FAAH: variants seen among roughly 807,000 people sequenced by gnomAD.
FAAH encodes the protein fatty-acid amide hydrolase 1.
In FAAH, 63 loss-of-function variants were observed where a neutral mutation model predicts 69.7. The observed-to-expected ratio is 0.90, with a 90% CI of 0.74 to 1.12. FAAH has a LOEUF of 1.12. Ranked by LOEUF, FAAH falls within the 50% of genes most tolerant of loss-of-function variation. The pLI, the probability that FAAH is intolerant of heterozygous loss-of-function variation, is 0.00. For synonymous variants in FAAH, 305 were observed against 324.2 expected (o/e 0.94, Z 0.64); for missense variants, 680 against 755.0 (o/e 0.90, Z 1.16).
chr1:46,408,533 G>A lies in FAAH; in HGVS notation c.1026G>A (p.Met342Ile), dbSNP rs1189884493. The change falls in exon 8 of 15, where the codon ATG (methionine) becomes ATA (isoleucine). Residue 342 changes from methionine to isoleucine, a missense_variant. Coordinates refer to ENST00000243167, the MANE Select transcript of FAAH (RefSeq NM_001441.3). ...TDNYTMPSPA[M>I]RRAVLETKQS... ...ACTATACCATGCCCTCCCCGGCCATGAGGCGGGCCGTGCTGGAGACCAAAC... is the reference window on the plus strand; with the variant it reads ...ACTATACCATGCCCTCCCCGGCCATAAGGCGGGCCGTGCTGGAGACCAAAC... 1.2e-6 allele frequency: 2 copies of A among 1,614,196 alleles called. No individual in the cohort carries two copies. Among genetic ancestry groups the A allele is most frequent in the Admixed American group, 1.7e-5 (1 of 60,028 alleles).
chr1:46,394,648 G>A, intron 1 of FAAH, 105 bp downstream of exon 1: 6 of 966,642 alleles, frequency 6.2e-6, no homozygotes, highest in Non-Finnish European at 8.1e-6. Context: ...GGGCAGAGCA[G>A]ATGTGTAACT....
At chr1:46,398,857 CACA>C (rs2148444806) in intron 1 of FAAH, among the ~76,000 whole-genome samples, 1 of 152,276 alleles carries the variant, frequency 6.6e-6, no homozygotes, top group Admixed American at 6.5e-5. Flanking sequence ...CCAAGGAGGA[CACA>C]GCTGGATGAA....
Position 46,410,088 on chromosome 1 carries a change from AAG to A in FAAH, c.1176-309_1176-308del, listed in dbSNP as rs1664883735. ...CTGTGCCTCCAGGCTGTACCTCCCT[AAG>A]GGGAGGTACCCTCAGGGAGGCCTCA... On this transcript the variant is annotated intron_variant, in intron 9 of 14. Transcript: ENST00000243167. This position sits in a 1 kb window ranked among gnomAD's most constrained non-coding sequence, Gnocchi z 4.9. The A allele has an allele frequency of 3.2e-5, 10 of 316,668 alleles. No individual in the cohort carries two copies. Among genetic ancestry groups the A allele is most frequent in the South Asian group, 2.9e-4 (8 of 27,894 alleles). 19.6% of individuals were successfully genotyped at this position (316,668 alleles called of 1,614,324 possible).
intron 1 of FAAH, among the ~76,000 whole-genome samples, chr1:46,396,976 A>G (rs1011379715): frequency 6.6e-6 from 1 of 152,228 alleles, no homozygotes; most frequent in African/African-American, 2.4e-5. Flanking sequence ...AGCTGGCTGA[A>G]AAGTCCACCA....
At chr1:46,403,064 C>T (rs1199382044) in intron 2 of FAAH, among the ~76,000 whole-genome samples, 2 of 152,126 alleles carry the variant, frequency 1.3e-5, no homozygotes, top group Non-Finnish European at 2.9e-5. Context: ...AAACTCCTGA[C>T]CTCAGGTGAT....
At position 46,405,632 on chromosome 1, in the gene FAAH, G is replaced by A. The variant is rs1223839186; in HGVS notation, c.623G>A (p.Trp208Ter). The change falls in exon 5 of 15, where the codon TGG becomes TAG. Residue 208 changes from tryptophan to a stop codon, truncating the protein, a stop_gained. Coordinates refer to ENST00000243167, the MANE Select transcript of FAAH (RefSeq NM_001441.3). LOFTEE classifies it high-confidence loss of function. This position sits in a 1 kb window ranked among gnomAD's most constrained non-coding sequence, Gnocchi z 4.1. ...NPLFGQTVNP[W>*]KSSKSPGGSS... ...CTCTTTGGCCAGACCGTGAACCCAT[G>A]GAAGTCCTCCAAAAGCCCAGGGGGC... 1.9e-6 allele frequency: 3 copies of A among 1,613,574 alleles called. No individual in the cohort carries two copies. Among genetic ancestry groups the A allele is most frequent in the South Asian group, 2.2e-5 (2 of 91,088 alleles).
chr1:46,402,358 G>A (rs991826551), intron 2 of FAAH, among the ~76,000 whole-genome samples, 154 bp downstream of exon 2: 33 of 152,266 alleles, frequency 2.2e-4, no homozygotes, highest in African/African-American at 6.3e-4. Context: ...ACAGTGCCAG[G>A]GACTGCCAGG....
rs775398610 is a variant in FAAH, at chr1:46,405,622, G to T, written c.613G>T (p.Val205Leu). The change falls in exon 5 of 15, where the codon GTG (valine) becomes TTG (leucine). Residue 205 changes from valine (V) to leucine (L), a missense_variant. Physicochemically the swap from Val to Leu is conservative, Grantham distance 32. Coordinates refer to ENST00000243167, the MANE Select transcript of FAAH (RefSeq NM_001441.3). The surrounding 1 kb of genome is among the most constrained non-coding windows in gnomAD (Gnocchi z 4.1). ...CAGTAACCCCCTCTTTGGCCAGACC[G>T]TGAACCCATGGAAGTCCTCCAAAAG... ...DCSNPLFGQT[V>L]NPWKSSKSPG... is the part of the protein sequence containing the mutation. 6.2e-7 allele frequency: 1 copy of T among 1,613,524 alleles called. No individual in the cohort carries two copies. Among genetic ancestry groups the T allele is most frequent in the East Asian group, 2.2e-5 (1 of 44,876 alleles).
rs373982685 is a variant in FAAH at position 46,395,346 on chromosome 1, C to T, written c.195+803C>T. Among the ~76,000 whole-genome samples, 10 of 152,348 alleles carry T rather than the reference C, an allele frequency of 6.6e-5. No individual in the cohort carries two copies. In the East Asian group the frequency reaches 1.7e-3, roughly 26 times the overall value. ...CAGGCTAGAAGGGAAGTCTCTCTGG[C>T]TCCTGCTGTGGTGTCCAACCCCTGG... On this transcript the variant is annotated intron_variant, in intron 1 of 14. Coordinates refer to ENST00000243167, the MANE Select transcript of FAAH (RefSeq NM_001441.3).
Position 46,410,707 on chromosome 1 carries a change from C to T in FAAH, c.1276-107C>T. 1 of 1,431,968 alleles carries T rather than the reference C, an allele frequency of 7.0e-7. No individual in the cohort carries two copies. The allele number at this position is 1,431,968 out of a possible 1,614,324, so 88.7% of individuals were successfully genotyped here. ...GCTGAAAGGGGTGCCGACCTGGGCC[C>T]TGGGGGGAGGCATGGAGGGAGGGGT... On this transcript the variant is annotated intron_variant, in intron 10 of 14. Coordinates refer to ENST00000243167, the MANE Select transcript of FAAH (RefSeq NM_001441.3). This position sits in a 1 kb window ranked among gnomAD's most constrained non-coding sequence, Gnocchi z 4.9.
At chr1:46,412,092 G>A (rs1260876845) in intron 12 of FAAH, 51 bp from the exon 13 acceptor site, 1 of 1,471,404 alleles carries the variant, frequency 6.8e-7, no homozygotes, top group Non-Finnish European at 9.3e-7. Flanking sequence ...TAAAGAGCCT[G>A]GGGTGGGCTA....
chr1:46,413,716 A>G lies in FAAH; in HGVS notation c.*141A>G. ...GTCCTCTCCCCCAACCCCCTGCAAG[A>G]AGCGCCGACTCCCTGAGTCTGGACC... On this transcript the variant is annotated 3_prime_UTR_variant, in exon 15 of 15. Transcript: ENST00000243167. 8.2e-7 allele frequency: 1 copy of G among 1,224,006 alleles called. No homozygotes were observed. Among genetic ancestry groups the G allele is most frequent in the Non-Finnish European group, 1.2e-6 (1 of 860,876 alleles). The allele number at this position is 1,224,006 out of a possible 1,614,324, so 75.8% of individuals were successfully genotyped here.
rs1320094458 is a variant in FAAH at position 46,410,947 on chromosome 1, A to C, written c.1316+93A>C. 3.9e-6 allele frequency: 6 copies of C among 1,531,922 alleles called. No individual in the cohort carries two copies. Among genetic ancestry groups the C allele is most frequent in the Non-Finnish European group, 1.8e-6 (2 of 1,106,658 alleles). The allele number at this position is 1,531,922 out of a possible 1,614,324, so 94.9% of individuals were successfully genotyped here. A position where few individuals can be genotyped will look rare whatever the true frequency, so the allele number is the denominator to read the frequency against. On this transcript the variant is annotated intron_variant, in intron 11 of 14. Coordinates refer to ENST00000243167, the MANE Select transcript of FAAH (RefSeq NM_001441.3). This position sits in a 1 kb window ranked among gnomAD's most constrained non-coding sequence, Gnocchi z 4.9. ...TTCTGACAGGAAAGGACTTGAGGGA[A>C]GTAGCCTCTGAGGCTGGAAGTGGCC... is the stretch of plus-strand genomic sequence containing the variant.
chr1:46,408,141 A>G (rs1046138670), intron 7 of FAAH, among the ~76,000 whole-genome samples: 1 of 152,156 alleles, frequency 6.6e-6, no homozygotes, highest in Non-Finnish European at 1.5e-5. Context: ...AGCTCAGAAG[A>G]CAGGATGCCT....
chr1:46,396,500 G>A (rs1664599975), intron 1 of FAAH, among the ~76,000 whole-genome samples: 1 of 152,206 alleles, frequency 6.6e-6, no homozygotes, highest in Non-Finnish European at 1.5e-5. Context: ...GTCTCAGTGG[G>A]GAGAAACCTT....
Position 46,409,132 on chromosome 1 carries a change from A to C in FAAH, c.1109A>C (p.His370Pro). ...CCCTTCTTGCCAAGCAACATACCCC[A>C]TGCTCTGGAGACCCTGTCAACAGGT... ...LVPFLPSNIP[H>P]ALETLSTGGL... Residue 370 changes from histidine to proline, a missense_variant, in exon 9 of 15, where the codon CAT becomes CCT. His to Pro is a moderately conservative substitution (Grantham distance 77). Coordinates refer to ENST00000243167, the MANE Select transcript of FAAH (RefSeq NM_001441.3). 1 of 1,613,840 alleles carries C rather than the reference A, an allele frequency of 6.2e-7. No individual in the cohort carries two copies. Among genetic ancestry groups the C allele is most frequent in the Non-Finnish European group, 8.5e-7 (1 of 1,179,962 alleles).
intron 1 of FAAH, among the ~76,000 whole-genome samples, chr1:46,396,437 C>T (rs1042468560): frequency 2.0e-4 from 30 of 152,258 alleles, no homozygotes; most frequent in South Asian, 1.5e-3. Context: ...TTACGGGTAT[C>T]GGGCTGAGGT....
intron 13 of FAAH, 37 bp from the exon 14 acceptor site, chr1:46,413,036 TTC>T: frequency 6.2e-7 from 1 of 1,613,166 alleles, no homozygotes; most frequent in Non-Finnish European, 8.5e-7. Flanking sequence ...GCACTGAAGA[TTC>T]TCAGGGCCTG....
At position 46,397,630 on chromosome 1, in the gene FAAH, C is replaced by T. The variant is rs930103607; in HGVS notation, c.195+3087C>T. Reference sequence around the variant, plus strand: ...AGGCTGGAGTGCAATGGTGCGATCTCGGCTTACTGCAACCTCTGCCTCCCA... The same window carrying T: ...AGGCTGGAGTGCAATGGTGCGATCTTGGCTTACTGCAACCTCTGCCTCCCA... On this transcript the variant is annotated intron_variant, in intron 1 of 14. Coordinates refer to ENST00000243167, the MANE Select transcript of FAAH (RefSeq NM_001441.3). Among the ~76,000 whole-genome samples, 6 of 152,082 alleles carry T rather than the reference C, an allele frequency of 3.9e-5. No homozygotes were observed. In the East Asian group the frequency reaches 5.8e-4, roughly 15 times the overall value.
Sources: gnomAD v4.1 joint callset for allele counts (sites outside exome capture counted in the v4.1 genomes callset) on GRCh38, gnomAD v4.1.1 for gene constraint, Gnocchi (gnomAD v3.1) non-coding constraint, MANE v1.5 for transcripts, NCBI Gene and HGNC (gene_info 2026-07-23, HGNC 2026-07-21) for gene names.